DLGAP1: variants seen among roughly 807,000 people sequenced by gnomAD.
DLGAP1 encodes the protein disks large-associated protein 1.
Under a neutral mutation model 90.8 loss-of-function variants are expected in DLGAP1, and 11 were observed. The observed-to-expected ratio is 0.12, with a 90% CI of 0.08 to 0.20. The LOEUF (loss-of-function observed/expected upper bound fraction) is 0.20, where lower values mean the gene tolerates loss of function less well. DLGAP1 is among the 10% of genes least tolerant of loss of function. DLGAP1 has a pLI of 1.00. For synonymous variants in DLGAP1, 558 were observed against 540.7 expected, an observed-to-expected ratio of 1.03 and a Z score of -0.44; for missense variants, 1,050 against 1,333.8, an observed-to-expected ratio of 0.79 and a Z score of 3.31.
At chr18:3,540,220 A>G (rs1052594553) in intron 9 of DLGAP1, among the ~76,000 whole-genome samples, 2 of 152,076 alleles carry the variant, frequency 1.3e-5, no homozygotes, top group African/African-American at 2.4e-5. Flanking sequence ...TAGTCCCAGC[A>G]CTTCGGGAAG....
At position 3,499,989 on chromosome 18, in the gene DLGAP1, C is replaced by A. The variant is rs1457705637; in HGVS notation, c.2725-595G>T. ...GACCCTTTTGCACACCACACACGAACACACAAGCAATATACAATATACAGG... is the reference window on the plus strand; with the variant it reads ...GACCCTTTTGCACACCACACACGAAAACACAAGCAATATACAATATACAGG... On this transcript the variant is annotated intron_variant, in intron 12 of 12. Coordinates refer to ENST00000315677, the MANE Select transcript of DLGAP1 (RefSeq NM_004746.4). The surrounding 1 kb of genome is among the most constrained non-coding windows in gnomAD (Gnocchi z 6.4). Among the ~76,000 whole-genome samples, 1 of 152,182 alleles carries A rather than the reference C, an allele frequency of 6.6e-6. No homozygotes were observed. Among genetic ancestry groups the A allele is most frequent in the African/African-American group, 2.4e-5 (1 of 41,428 alleles).
intron 3 of DLGAP1, among the ~76,000 whole-genome samples, chr18:3,910,222 A>G (rs2072001954): frequency 6.6e-6 from 1 of 151,702 alleles, no homozygotes; most frequent in South Asian, 2.1e-4. Flanking sequence ...AATGCTAAAG[A>G]GAGTCACAAA....
intron 7 of DLGAP1, among the ~76,000 whole-genome samples, chr18:3,591,082 GCAAA>G (rs1416957442): frequency 6.6e-6 from 1 of 152,002 alleles, no homozygotes; most frequent in African/African-American, 2.4e-5. Flanking sequence ...CAGATTGAGG[GCAAA>G]CAAACAAACT....
At chr18:3,958,729 C>G (rs964208334) in intron 3 of DLGAP1, among the ~76,000 whole-genome samples, 14 of 152,044 alleles carry the variant, frequency 9.2e-5, no homozygotes, top group Non-Finnish European at 2.1e-4. Flanking sequence ...TGGACTGCCT[C>G]CAGGCATTGG....
chr18:3,842,624 T>C (rs1032168710), intron 4 of DLGAP1, among the ~76,000 whole-genome samples: 6 of 151,780 alleles, frequency 4.0e-5, no homozygotes, highest in African/African-American at 1.2e-4. Flanking sequence ...CAACTAACTT[T>C]TATGAGTCTG....
chr18:4,427,482 A>G (rs529561547), intron 1 of DLGAP1, among the ~76,000 whole-genome samples: 1 of 152,318 alleles, frequency 6.6e-6, no homozygotes, highest in South Asian at 2.1e-4. Flanking sequence ...CAACGAAGGA[A>G]CCTTAGATTG....
rs143992442 is a variant in DLGAP1, at chr18:3,655,841, A to G, written c.1591+73294T>C. The stretch of plus-strand genomic sequence containing the variant: ...CGAGCACCGGCTCCGAGGCAGTCAC[A>G]TCAGGAGACAGAAACAGACATGTTG... On this transcript the variant is annotated intron_variant, in intron 7 of 12. Transcript: ENST00000315677. 4 of 460,180 alleles carry G rather than the reference A, an allele frequency of 8.7e-6. No homozygotes were observed. The Admixed American group carries it at 1.6e-4, about 18-fold the overall frequency. 28.5% of individuals were successfully genotyped at this position (460,180 alleles called of 1,614,324 possible). A position where few individuals can be genotyped will look rare whatever the true frequency, so the allele number is the denominator to read the frequency against.
chr18:4,296,939 C>A (rs2079996227), intron 1 of DLGAP1, among the ~76,000 whole-genome samples: 1 of 152,136 alleles, frequency 6.6e-6, no homozygotes, highest in African/African-American at 2.4e-5. Context: ...AATAGCACTT[C>A]CCCAGAAGTG....
rs559002236 is a variant in DLGAP1, at chr18:3,870,403, T to A, written c.957+8709A>T. The stretch of plus-strand genomic sequence containing the variant: ...CATGTAGCATTTCCAATTTTAGAGA[T>A]AAATCCTTTCCAATCACTTACTTTT... On this transcript the variant is annotated intron_variant, in intron 4 of 12. Transcript: ENST00000315677. Among the ~76,000 whole-genome samples, 23 of 152,352 alleles carry A rather than the reference T, an allele frequency of 1.5e-4. No individual in the cohort carries two copies. The South Asian group carries it at 4.3e-3, about 29-fold the overall frequency.
rs138712778 is a variant in DLGAP1, at chr18:3,530,542, C to T, written c.2479+3652G>A. On this transcript the variant is annotated intron_variant, in intron 10 of 12. Transcript: ENST00000315677. Reference sequence around the variant, plus strand: ...AAGTTTGTGCCATTGAGCAGTGGCACGGGATGTCATTGTTCCTTAGTTGCT... The same window carrying T: ...AAGTTTGTGCCATTGAGCAGTGGCATGGGATGTCATTGTTCCTTAGTTGCT... Among the ~76,000 whole-genome samples, 72 of 152,272 alleles carry T rather than the reference C, an allele frequency of 4.7e-4. 1 individual carries two copies. Among genetic ancestry groups the T allele is most frequent in the Admixed American group, 7.2e-4 (11 of 15,292 alleles).
chr18:4,060,610 C>T (rs2075285293), intron 2 of DLGAP1, among the ~76,000 whole-genome samples: 1 of 152,186 alleles, frequency 6.6e-6, no homozygotes, highest in South Asian at 2.1e-4. Flanking sequence ...ATAACTTCCT[C>T]ATTTTGCTCC....
At chr18:3,898,069 C>T (rs561179509) in intron 3 of DLGAP1, among the ~76,000 whole-genome samples, 10 of 152,290 alleles carry the variant, frequency 6.6e-5, no homozygotes, top group African/African-American at 1.7e-4. Flanking sequence ...GCTGGGATTA[C>T]AGGCGTGAGC....
chr18:4,360,453 C>T (rs1275859878), intron 1 of DLGAP1, among the ~76,000 whole-genome samples: 1 of 152,100 alleles, frequency 6.6e-6, no homozygotes, highest in Non-Finnish European at 1.5e-5. Context: ...AAAGGTGGAA[C>T]TCACGAAAGT....
At position 4,214,311 on chromosome 18, in the gene DLGAP1, A is replaced by ATT. The variant is rs71160947; in HGVS notation, c.-266-63026_-266-63025dup. ...ATACAGATACAGGTTAAGGAAACAG[A>ATT]TTTTTTTTTTTTGGTGGGGGGAAAA... On this transcript the variant is annotated intron_variant, in intron 1 of 12. Coordinates refer to ENST00000315677, the MANE Select transcript of DLGAP1 (RefSeq NM_004746.4). Among the ~76,000 whole-genome samples, 902 of 148,294 alleles carry ATT rather than the reference A, an allele frequency of 6.1e-3. 8 individuals carry two copies. Among genetic ancestry groups the ATT allele is most frequent in the Middle Eastern group, 0.018 (5 of 284 alleles).
intron 1 of DLGAP1, among the ~76,000 whole-genome samples, chr18:4,329,468 ACT>A (rs1359348119): frequency 1.3e-5 from 2 of 151,744 alleles, no homozygotes; most frequent in Non-Finnish European, 3.0e-5. Context: ...TTGTTTAATT[ACT>A]CTGTTTTTTG....
At chr18:3,824,193 T>G (rs938150952) in intron 4 of DLGAP1, among the ~76,000 whole-genome samples, 2 of 152,148 alleles carry the variant, frequency 1.3e-5, no homozygotes, top group East Asian at 3.9e-4. Context: ...CCTATGATGT[T>G]TGTGGCTATA....
At chr18:4,068,571 T>G (rs1156532050) in intron 2 of DLGAP1, among the ~76,000 whole-genome samples, 2 of 152,156 alleles carry the variant, frequency 1.3e-5, no homozygotes, top group African/African-American at 4.8e-5. Flanking sequence ...AACTATGCAT[T>G]TTTAACGCAT....
intron 7 of DLGAP1, among the ~76,000 whole-genome samples, chr18:3,720,635 G>A (rs1258127826): frequency 1.3e-5 from 2 of 152,016 alleles, no homozygotes; most frequent in Non-Finnish European, 2.9e-5. Flanking sequence ...AACTGCCAGT[G>A]TTAATTACAT....
chr18:4,060,377 T>C (rs1342295379), intron 2 of DLGAP1, among the ~76,000 whole-genome samples: 3 of 152,200 alleles, frequency 2.0e-5, no homozygotes, highest in Non-Finnish European at 4.4e-5. Flanking sequence ...AAAAATATAC[T>C]TCCCAAGATG....
Sources: gnomAD v4.1 joint callset for allele counts (sites outside exome capture counted in the v4.1 genomes callset) on GRCh38, gnomAD v4.1.1 for gene constraint, Gnocchi (gnomAD v3.1) non-coding constraint, MANE v1.5 for transcripts, NCBI Gene and HGNC (gene_info 2026-07-23, HGNC 2026-07-21) for gene names.